Variants in CDH4 observed in about 807,000 individuals in gnomAD.
CDH4 encodes cadherin 4.
Under a neutral mutation model 86.0 loss-of-function variants are expected in CDH4, and 33 were observed. The ratio of observed to expected loss-of-function variants is 0.38; its 90% CI spans 0.29 to 0.51. The LOEUF (loss-of-function observed/expected upper bound fraction) is 0.51, where lower values mean the gene tolerates loss of function less well. CDH4 is among the 20% of genes least tolerant of loss of function. The pLI, the probability that CDH4 is intolerant of heterozygous loss-of-function variation, is 0.86. For missense variants in CDH4, 1,114 were observed against 1,307.4 expected (o/e 0.85, Z 2.28); for synonymous variants, 555 against 549.4 (o/e 1.01, Z -0.14).
chr20:61,755,680 A>C (rs1600951298), intron 3 of CDH4, among the ~76,000 whole-genome samples: 1 of 151,410 alleles, frequency 6.6e-6, no homozygotes, highest in South Asian at 2.1e-4. Context: ...CACACCATAT[A>C]CACCACACAC....
At chr20:61,379,611 C>A (rs1246337736) in intron 2 of CDH4, among the ~76,000 whole-genome samples, 2 of 152,088 alleles carry the variant, frequency 1.3e-5, no homozygotes, top group Admixed American at 1.3e-4. Flanking sequence ...CCAGTATAAC[C>A]ATCACACTTT....
intron 6 of CDH4, among the ~76,000 whole-genome samples, chr20:61,855,657 G>T (rs1982965818): frequency 6.6e-6 from 1 of 152,226 alleles, no homozygotes; most frequent in East Asian, 1.9e-4. Context: ...CTTCCCAAAA[G>T]CGCAATTGGC....
chr20:61,581,645 C>T (rs929239022), intron 2 of CDH4, among the ~76,000 whole-genome samples: 3 of 152,168 alleles, frequency 2.0e-5, no homozygotes, highest in Non-Finnish European at 2.9e-5. Context: ...TGTAAGGACC[C>T]GTGATGATGC....
At chr20:61,260,439 T>C (rs1464393935) in intron 2 of CDH4, among the ~76,000 whole-genome samples, 3 of 152,230 alleles carry the variant, frequency 2.0e-5, no homozygotes, top group Non-Finnish European at 2.9e-5. Flanking sequence ...CTGGATCTCA[T>C]AGTGATGCTT....
chr20:61,461,085 A>T (rs536896624), intron 2 of CDH4, among the ~76,000 whole-genome samples: 12 of 152,228 alleles, frequency 7.9e-5, no homozygotes, highest in Non-Finnish European at 1.5e-4. Flanking sequence ...CATTTGTAGA[A>T]ACACTGATCT....
Position 61,844,739 on chromosome 20 carries a change from C to G in CDH4, c.648C>G (p.Pro216=), listed in dbSNP as rs145846676. The change falls in exon 5 of 16, where the codon CCC becomes CCG. Residue 216 remains proline, a synonymous_variant. Coordinates refer to ENST00000614565, the MANE Select transcript of CDH4 (RefSeq NM_001794.5). ...SITGVGADQP[P]MEVFSIDSMS... is the part of the protein sequence containing the mutation. ...CGGGAGTGGGCGCCGACCAGCCCCC[C>G]ATGGAGGTCTTCAGCATTGACTCCA... 5.0e-6 allele frequency: 8 copies of G among 1,614,072 alleles called. No homozygotes were observed. The highest frequency in any genetic ancestry group is 6.8e-6 in the Non-Finnish European group (8 of 1,179,964).
intron 2 of CDH4, among the ~76,000 whole-genome samples, chr20:61,349,016 G>A (rs2084695039): frequency 6.6e-6 from 1 of 152,216 alleles, no homozygotes; most frequent in African/African-American, 2.4e-5. Flanking sequence ...GGGCCACATT[G>A]TGCCGCAATT....
At chr20:61,834,439 C>T (rs34040370) in intron 4 of CDH4, among the ~76,000 whole-genome samples, 64,041 of 152,096 alleles carry the variant, frequency 0.42, 16,406 homozygotes, top group Non-Finnish European at 0.58. Context: ...TCTTCCAGCC[C>T]GGCCCCCAAG....
intron 4 of CDH4, among the ~76,000 whole-genome samples, chr20:61,814,444 C>T (rs972593966): frequency 1.2e-4 from 19 of 152,168 alleles, no homozygotes; most frequent in Admixed American, 5.2e-4. Context: ...AGGCTGCGGC[C>T]GCTCGACGAC....
At chr20:61,613,058 G>A (rs2086697279) in intron 2 of CDH4, among the ~76,000 whole-genome samples, 1 of 152,100 alleles carries the variant, frequency 6.6e-6, no homozygotes, top group African/African-American at 2.4e-5. Context: ...AGACAAGCTT[G>A]CAGTGTGAGG....
At chr20:61,260,492 G>T (rs2084122450) in intron 2 of CDH4, among the ~76,000 whole-genome samples, 2 of 152,152 alleles carry the variant, frequency 1.3e-5, no homozygotes, top group East Asian at 3.8e-4. Flanking sequence ...TTTGCCTCTG[G>T]TCACAATATC....
intron 2 of CDH4, among the ~76,000 whole-genome samples, chr20:61,493,067 C>A (rs112346558): frequency 6.6e-6 from 1 of 152,180 alleles, no homozygotes; most frequent in African/African-American, 2.4e-5. Flanking sequence ...GAATGAAGTA[C>A]GTAAATTAGA....
intron 4 of CDH4, among the ~76,000 whole-genome samples, chr20:61,785,328 C>T (rs1208240708): frequency 1.3e-5 from 2 of 152,190 alleles, no homozygotes; most frequent in African/African-American, 4.8e-5. Flanking sequence ...TGTGGGCTCC[C>T]TGAGGGTGGG....
At chr20:61,509,406 CTG>C (rs2085763934) in intron 2 of CDH4, among the ~76,000 whole-genome samples, 2 of 151,104 alleles carry the variant, frequency 1.3e-5, no homozygotes, top group South Asian at 4.2e-4. Flanking sequence ...AGGTGGGTGA[CTG>C]TGAGCTGTGA....
chr20:61,590,138 G>A (rs2086507621), intron 2 of CDH4, among the ~76,000 whole-genome samples: 1 of 149,932 alleles, frequency 6.7e-6, no homozygotes, highest in Non-Finnish European at 1.5e-5. Flanking sequence ...TGGTTCCTCT[G>A]GCTGCTGTAG....
rs2086063828 is a variant in CDH4, at chr20:61,544,601, G to A, written c.170-198962G>A. Among the ~76,000 whole-genome samples the A allele has an allele frequency of 1.3e-5, 2 of 152,084 alleles. No homozygotes were observed. The highest frequency in any genetic ancestry group is 1.3e-4 in the Admixed American group (2 of 15,282). ...ACGGTGGCATGACCGTGTGTGATGG[G>A]ATGTGCCGGGGGCAGACAGGGCCCA... On this transcript the variant is annotated intron_variant, in intron 2 of 15. Coordinates refer to ENST00000614565, the MANE Select transcript of CDH4 (RefSeq NM_001794.5). This position sits in a 1 kb window ranked among gnomAD's most constrained non-coding sequence, Gnocchi z 6.5.
intron 2 of CDH4, among the ~76,000 whole-genome samples, chr20:61,649,057 T>A (rs2087094299): frequency 6.6e-6 from 1 of 152,224 alleles, no homozygotes; most frequent in Admixed American, 6.5e-5. Context: ...TATTTTCTAG[T>A]GATTTCATGG....
intron 2 of CDH4, among the ~76,000 whole-genome samples, chr20:61,328,365 TG>T (rs1568799547): frequency 1.3e-5 from 2 of 152,122 alleles, no homozygotes; most frequent in Non-Finnish European, 2.9e-5. Flanking sequence ...TTAGTAGAGA[TG>T]GGGTTTCACT....
chr20:61,756,562 C>G (rs1299416574), intron 3 of CDH4, among the ~76,000 whole-genome samples: 1 of 149,908 alleles, frequency 6.7e-6, no homozygotes, highest in East Asian at 2.0e-4. Context: ...CTCCCTCATC[C>G]CCGGGTCCCT....
Sources: allele counts gnomAD v4.1 joint callset (sites outside exome capture counted in the v4.1 genomes callset), GRCh38; gene constraint gnomAD v4.1.1; non-coding constraint Gnocchi (gnomAD v3.1); transcripts MANE v1.5; gene names NCBI Gene and HGNC (gene_info 2026-07-23, HGNC 2026-07-21).